Variants in NFATC3 observed in about 807,000 individuals in gnomAD.
NFATC3 encodes nuclear factor of activated T-cells, cytoplasmic 3.
A neutral mutation model predicts 98.6 loss-of-function variants in NFATC3; 46 were observed. The ratio of observed to expected loss-of-function variants is 0.47; its 90% CI spans 0.37 to 0.60. The LOEUF (loss-of-function observed/expected upper bound fraction) is 0.60. Among genes scored for constraint, NFATC3 ranks in the 20% least tolerant of loss-of-function variants. The pLI, the probability that NFATC3 is intolerant of heterozygous loss-of-function variation, is 0.00. For synonymous variants in NFATC3, 512 were observed against 472.2 expected (o/e 1.08, Z -1.09); for missense variants, 1,256 against 1,295.5 (o/e 0.97, Z 0.47).
At chr16:68,103,944 G>A (rs2035505590) in intron 1 of NFATC3, among the ~76,000 whole-genome samples, 1 of 152,116 alleles carries the variant, frequency 6.6e-6, no homozygotes, top group South Asian at 2.1e-4. Context: ...TGATTGCTGT[G>A]CCTTTGTAGT....
intron 9 of NFATC3, chr16:68,217,565 G>A (rs2041686721): frequency 9.5e-7 from 1 of 1,057,282 alleles, no homozygotes; most frequent in Non-Finnish European, 1.2e-6. Context: ...TAATTATGGT[G>A]GTAAGTTTTA....
intron 8 of NFATC3, among the ~76,000 whole-genome samples, chr16:68,190,014 G>T (rs572757970): frequency 6.6e-6 from 1 of 152,268 alleles, no homozygotes; most frequent in South Asian, 2.1e-4. Context: ...ACTCCAGCCT[G>T]GCCGACAGAG....
chr16:68,186,853 G>T (rs1353357591), intron 8 of NFATC3, among the ~76,000 whole-genome samples: 2 of 152,140 alleles, frequency 1.3e-5, no homozygotes, highest in South Asian at 4.1e-4. Context: ...TTTTGTTTAT[G>T]GCGAATAACT....
At position 68,167,537 on chromosome 16, in the gene NFATC3, C is replaced by T. The variant is rs1279472843; in HGVS notation, c.1774+522C>T. On this transcript the variant is annotated intron_variant, in intron 5 of 9. Transcript: ENST00000346183. ...CAAGATACAAGAAAAGACCCTGCAG[C>T]CTGACATGTACTCAATCCTGGGGAA... Among the ~76,000 whole-genome samples the T allele has an allele frequency of 2.0e-5, 3 of 152,074 alleles. No homozygotes were observed. The East Asian group carries it at 5.8e-4, about 29-fold the overall frequency.
chr16:68,141,301 C>A (rs964769280), intron 3 of NFATC3, among the ~76,000 whole-genome samples: 11 of 152,118 alleles, frequency 7.2e-5, no homozygotes, highest in African/African-American at 2.7e-4. Flanking sequence ...ATAATGACTT[C>A]TTTTCCTTTG....
intron 4 of NFATC3, among the ~76,000 whole-genome samples, chr16:68,161,333 C>G (rs1264993911): frequency 1.3e-5 from 2 of 152,156 alleles, no homozygotes; most frequent in East Asian, 1.9e-4. Context: ...ATTCATTCCT[C>G]TGGATATTCA....
At chr16:68,157,228 C>G (rs1450735555) in intron 3 of NFATC3, among the ~76,000 whole-genome samples, 1 of 151,412 alleles carries the variant, frequency 6.6e-6, no homozygotes, top group Non-Finnish European at 1.5e-5. Flanking sequence ...CCTTCTCCTT[C>G]TCTCCCTCTC....
chr16:68,138,777 T>C, intron 3 of NFATC3: 6 of 1,270,496 alleles, frequency 4.7e-6, no homozygotes, highest in Non-Finnish European at 6.1e-6. Flanking sequence ...TAGAACTCTA[T>C]ACTTAAATCT....
At chr16:68,225,159 T>G (rs1049387017) in intron 9 of NFATC3, 2 of 152,024 alleles carry the variant, frequency 1.3e-5, no homozygotes, top group Non-Finnish European at 2.9e-5. Flanking sequence ...TCCATATTGG[T>G]CAGGCTGGTC....
intron 3 of NFATC3, among the ~76,000 whole-genome samples, chr16:68,145,346 T>C (rs970558927): frequency 6.6e-6 from 1 of 152,002 alleles, no homozygotes; most frequent in Non-Finnish European, 1.5e-5. Context: ...TTTCACCATC[T>C]TGTCCAGGCA....
At chr16:68,123,336 G>C (rs2036646923) in intron 2 of NFATC3, among the ~76,000 whole-genome samples, 1 of 151,690 alleles carries the variant, frequency 6.6e-6, no homozygotes, top group Non-Finnish European at 1.5e-5. Context: ...AAAATATATA[G>C]CTAATGAATT....
intron 9 of NFATC3, among the ~76,000 whole-genome samples, chr16:68,216,828 C>T (rs1286728609): frequency 2.0e-5 from 3 of 152,112 alleles, no homozygotes; most frequent in Admixed American, 6.6e-5. Context: ...CCACTACACC[C>T]GGCCAAGAAG....
intron 9 of NFATC3, among the ~76,000 whole-genome samples, chr16:68,204,944 T>G (rs1292376304): frequency 6.6e-6 from 1 of 151,334 alleles, no homozygotes; most frequent in Non-Finnish European, 1.5e-5. Context: ...TTTGATAGAC[T>G]TAGATAAATG....
intron 1 of NFATC3, among the ~76,000 whole-genome samples, chr16:68,099,327 C>T (rs1480616560): frequency 1.3e-5 from 2 of 151,510 alleles, no homozygotes; most frequent in African/African-American, 4.9e-5. Flanking sequence ...CCCAGCTACT[C>T]GGGAGGCTGA....
In NFATC3 at chr16:68,159,408, T is replaced by C. The variant is rs8048685; in HGVS notation, c.1601+1340T>C. Among the ~76,000 whole-genome samples the C allele has an allele frequency of 6.5e-3, 984 of 151,410 alleles. 11 individuals carry two copies. Among genetic ancestry groups the C allele is most frequent in the African/African-American group, 0.022 (910 of 41,348 alleles). The stretch of plus-strand genomic sequence containing the variant: ...CTACACTATAGACCTTTCTTTCTTT[T>C]TTTTTTTTTTTTATATTTTTATTTA... On this transcript the variant is annotated intron_variant, in intron 4 of 9. Coordinates refer to ENST00000346183, the MANE Select transcript of NFATC3 (RefSeq NM_173165.3).
chr16:68,179,593 A>G (rs772475622), intron 6 of NFATC3, among the ~76,000 whole-genome samples: 2 of 152,256 alleles, frequency 1.3e-5, no homozygotes, highest in Non-Finnish European at 2.9e-5. Flanking sequence ...TGGCTTAGTC[A>G]CTGGGTGAAT....
In NFATC3 at chr16:68,217,904, C is replaced by G. The variant is rs570039161; in HGVS notation, c.3107-8446C>G. 1.1e-5 allele frequency: 13 copies of G among 1,226,004 alleles called. No individual in the cohort carries two copies. In the African/African-American group the frequency reaches 1.9e-4, roughly 18 times the overall value. The allele number at this position is 1,226,004 out of a possible 1,614,324, so 75.9% of individuals were successfully genotyped here. A position where few individuals can be genotyped will look rare whatever the true frequency, so the allele number is the denominator to read the frequency against. The stretch of plus-strand genomic sequence containing the variant: ...CACTGGGGAAGCCAGGAAATATACT[C>G]TGTAGCTGGGTGTCAGTGTGACTAA... On this transcript the variant is annotated intron_variant, in intron 9 of 9. Transcript: ENST00000346183.
At chr16:68,221,247 G>A in intron 9 of NFATC3, 1 of 1,614,018 alleles carries the variant, frequency 6.2e-7, no homozygotes, top group Non-Finnish European at 8.5e-7. Context: ...CCTACGTTTT[G>A]GCCAGTCCCA....
chr16:68,214,316 T>C (rs1388182296), intron 9 of NFATC3: 2 of 1,610,844 alleles, frequency 1.2e-6, no homozygotes, highest in African/African-American at 1.3e-5. Flanking sequence ...TGATGTTGTC[T>C]TCTTTGACAC....
Sources: gnomAD v4.1 joint callset for allele counts (sites outside exome capture counted in the v4.1 genomes callset) on GRCh38, gnomAD v4.1.1 for gene constraint, MANE v1.5 for transcripts, NCBI Gene and HGNC (gene_info 2026-07-23, HGNC 2026-07-21) for gene names.